The following NUGGC variants were observed in gnomAD, a reference collection of about 807,000 sequenced individuals.
NUGGC encodes nuclear GTPase SLIP-GC.
Under a neutral mutation model 92.6 loss-of-function variants are expected in NUGGC, and 58 were observed. That is an observed-to-expected ratio of 0.63 (90% CI 0.51 to 0.78). The LOEUF is 0.78. Ranked by LOEUF, NUGGC falls within the 30% of genes least tolerant of loss-of-function variation. The pLI, the probability that NUGGC is intolerant of heterozygous loss-of-function variation, is 0.00. For missense variants in NUGGC, 925 were observed against 964.6 expected (o/e 0.96, Z 0.54); for synonymous variants, 376 against 366.4 (o/e 1.03, Z -0.30).
rs140678713 is a variant in NUGGC at position 28,081,954 on chromosome 8, A to C, written c.-47+1821T>G. 9.9e-3 allele frequency among the ~76,000 whole-genome samples: 1,509 copies of C among 152,234 alleles called. 25 individuals carry two copies. Among genetic ancestry groups the C allele is most frequent in the African/African-American group, 0.034 (1,424 of 41,536 alleles). ...GGTGAGCTGAAGAATGAAAGAAGGA[A>C]GAGGAGGAGACTGTTAATGAAATGA... is the stretch of plus-strand genomic sequence containing the variant. On this transcript the variant is annotated intron_variant, in intron 1 of 18. Coordinates refer to ENST00000413272, the MANE Select transcript of NUGGC (RefSeq NM_001010906.2).
chr8:28,049,001 TAAAA>T (rs201445279), intron 10 of NUGGC, among the ~76,000 whole-genome samples: 6 of 150,694 alleles, frequency 4.0e-5, no homozygotes, highest in Non-Finnish European at 7.4e-5. Flanking sequence ...TCTTCTTACT[TAAAA>T]AAAAAGAGAA....
At chr8:28,069,917 C>A (rs1810544107) in intron 3 of NUGGC, among the ~76,000 whole-genome samples, 1 of 152,200 alleles carries the variant, frequency 6.6e-6, no homozygotes, top group African/African-American at 2.4e-5. Context: ...CGGGCTTCAG[C>A]CCCTTCTAGA....
intron 13 of NUGGC, among the ~76,000 whole-genome samples, chr8:28,036,271 A>G (rs1212675870): frequency 3.3e-5 from 5 of 151,976 alleles, no homozygotes; most frequent in Admixed American, 3.3e-4. Context: ...GCATTACACG[A>G]TTTCCTTCTT....
At chr8:28,069,737 G>A (rs80030698) in intron 3 of NUGGC, 85 bp from the exon 4 acceptor site, 13 of 784,384 alleles carry the variant, frequency 1.7e-5, no homozygotes, top group Middle Eastern at 2.3e-4. Flanking sequence ...GTTGAACATC[G>A]CAGAGAAGGG....
chr8:28,064,782 T>G, intron 6 of NUGGC, 51 bp from the exon 7 acceptor site: 9 of 1,509,762 alleles, frequency 6.0e-6, no homozygotes, highest in Non-Finnish European at 8.3e-6. Flanking sequence ...CCAGCTCTGT[T>G]CACCCCGGTT....
intron 17 of NUGGC, among the ~76,000 whole-genome samples, chr8:28,027,846 A>G (rs1212057172): frequency 2.6e-5 from 4 of 152,222 alleles, no homozygotes; most frequent in African/African-American, 9.6e-5. Context: ...CTCACGCTAG[A>G]GTGAAAACGA....
chr8:28,029,596 A>G (rs1809361933), intron 16 of NUGGC, among the ~76,000 whole-genome samples, 194 bp from the exon 17 acceptor site: 2 of 152,160 alleles, frequency 1.3e-5, no homozygotes, highest in Middle Eastern at 6.8e-3. Flanking sequence ...CTAAAAATAC[A>G]AAAATTAGCT....
At chr8:28,053,402 C>A (rs1276356195) in intron 10 of NUGGC, among the ~76,000 whole-genome samples, 2 of 152,098 alleles carry the variant, frequency 1.3e-5, no homozygotes, top group Admixed American at 1.3e-4. Flanking sequence ...AGGAAGATAG[C>A]TTGAGCCCAG....
rs1372509596 is a variant in NUGGC at position 28,041,048 on chromosome 8, C to T, written c.1611+3G>A. ...CTGAGTTTTCCCTGGAAGGGTCACT[C>T]ACCACCAAGCATGCTCTGAGGATGC... On this transcript the variant is annotated splice_donor_region_variant and intron_variant, in intron 13 of 18. Coordinates refer to ENST00000413272, the MANE Select transcript of NUGGC (RefSeq NM_001010906.2). 3 of 1,597,542 alleles carry T rather than the reference C, an allele frequency of 1.9e-6. No individual in the cohort carries two copies. The highest frequency in any genetic ancestry group is 4.5e-5 in the East Asian group (2 of 44,014).
At chr8:28,073,085 C>T (rs1042389264) in intron 2 of NUGGC, among the ~76,000 whole-genome samples, 4 of 151,804 alleles carry the variant, frequency 2.6e-5, no homozygotes, top group African/African-American at 9.7e-5. Context: ...TCACTGCAGC[C>T]TCAACCTCCG....
intron 1 of NUGGC, among the ~76,000 whole-genome samples, 170 bp downstream of exon 1, chr8:28,083,605 G>A (rs959565693): frequency 6.6e-6 from 1 of 152,164 alleles, no homozygotes; most frequent in Admixed American, 6.5e-5. Context: ...TGTAACAAAT[G>A]TACCACACTA....
At chr8:28,072,246 G>A (rs531992519) in intron 2 of NUGGC, among the ~76,000 whole-genome samples, 5 of 152,150 alleles carry the variant, frequency 3.3e-5, no homozygotes, top group South Asian at 4.1e-4. Context: ...TCAAGAATTC[G>A]CCCTGGCTCG....
At chr8:28,029,204 C>A in intron 17 of NUGGC, 62 bp downstream of exon 17, 1 of 1,543,050 alleles carries the variant, frequency 6.5e-7, no homozygotes, top group East Asian at 2.4e-5. Context: ...CTTCTGCACT[C>A]GCTTCCTCTC....
intron 18 of NUGGC, among the ~76,000 whole-genome samples, chr8:28,023,924 G>T (rs904157039): frequency 6.6e-6 from 1 of 152,064 alleles, no homozygotes; most frequent in Non-Finnish European, 1.5e-5. Context: ...GTGTCAACTT[G>T]TTTAGGTCAC....
rs115910447 is a variant in NUGGC, at chr8:28,068,471, T to C, written c.258-33A>G. On this transcript the variant is annotated intron_variant, in intron 4 of 18. Coordinates refer to ENST00000413272, the MANE Select transcript of NUGGC (RefSeq NM_001010906.2). ...AATTTTAAAATGCACATTGCCATGATCATCAAAGTTTAGAGTGAAGAGCAT... is the reference window on the plus strand; with the variant it reads ...AATTTTAAAATGCACATTGCCATGACCATCAAAGTTTAGAGTGAAGAGCAT... 2,061 of 1,423,254 alleles carry C rather than the reference T, an allele frequency of 1.4e-3. 32 individuals are homozygous for C. In the African/African-American group the frequency reaches 0.026, roughly 18 times the overall value. 88.2% of individuals were successfully genotyped at this position (1,423,254 alleles called of 1,614,324 possible).
chr8:28,069,689 G>A, intron 3 of NUGGC, 37 bp from the exon 4 acceptor site: 1 of 1,157,070 alleles, frequency 8.6e-7, no homozygotes, highest in Non-Finnish European at 1.3e-6. Flanking sequence ...GCAGGTACCT[G>A]GCAGGGATAA....
At chr8:28,041,399 A>G (rs1394470795) in intron 12 of NUGGC, among the ~76,000 whole-genome samples, 184 bp from the exon 13 acceptor site, 1 of 152,238 alleles carries the variant, frequency 6.6e-6, no homozygotes. Flanking sequence ...TTGTGGGGTT[A>G]GAGAATAGAA....
intron 7 of NUGGC, among the ~76,000 whole-genome samples, chr8:28,062,630 C>G (rs1431073274): frequency 6.6e-6 from 1 of 152,076 alleles, no homozygotes; most frequent in Non-Finnish European, 1.5e-5. Flanking sequence ...CAAAACAAAA[C>G]AAAAGTAGAA....
chr8:28,024,655 G>A lies in NUGGC; in HGVS notation c.2246-1193C>T, dbSNP rs1470452940. Among the ~76,000 whole-genome samples, 3 of 152,142 alleles carry A rather than the reference G, an allele frequency of 2.0e-5. 1 individual carries two copies. Among genetic ancestry groups the A allele is most frequent in the African/African-American group, 7.2e-5 (3 of 41,438 alleles). ...TCCCCCTTGGCTTTCTGTGCCCGAGGGTGACTCAGGTTAGTTGGCCCTGAG... is the reference window on the plus strand; with the variant it reads ...TCCCCCTTGGCTTTCTGTGCCCGAGAGTGACTCAGGTTAGTTGGCCCTGAG... On this transcript the variant is annotated intron_variant, in intron 18 of 18. Coordinates refer to ENST00000413272, the MANE Select transcript of NUGGC (RefSeq NM_001010906.2).
Sources: gnomAD v4.1 joint callset for allele counts (sites outside exome capture counted in the v4.1 genomes callset) on GRCh38, gnomAD v4.1.1 for gene constraint, MANE v1.5 for transcripts, NCBI Gene and HGNC (gene_info 2026-07-23, HGNC 2026-07-21) for gene names.